Variants in ZCCHC14 observed in about 807,000 individuals in gnomAD.
The protein encoded by ZCCHC14 is zinc finger CCHC-type containing 14, also known as zinc finger CCHC domain-containing protein 14.
In ZCCHC14, 16 loss-of-function variants were observed where a neutral mutation model predicts 85.0. That is an observed-to-expected ratio of 0.19 (90% CI 0.13 to 0.29). ZCCHC14 has a LOEUF of 0.29. ZCCHC14 is among the 10% of genes least tolerant of loss of function. ZCCHC14 has a pLI of 1.00. For missense variants in ZCCHC14, 1,303 were observed against 1,443.5 expected (o/e 0.90, Z 1.58); for synonymous variants, 775 against 630.7 (o/e 1.23, Z -3.43).
chr16:87,476,981 C>A (rs376584644), intron 1 of ZCCHC14, among the ~76,000 whole-genome samples: 1 of 151,498 alleles, frequency 6.6e-6, no homozygotes, highest in African/African-American at 2.4e-5. Flanking sequence ...AAAAATTAGC[C>A]GGGCATGGTG....
intron 2 of ZCCHC14, among the ~76,000 whole-genome samples, chr16:87,445,101 TG>T (rs1337121551): frequency 3.3e-5 from 5 of 151,662 alleles, no homozygotes; most frequent in African/African-American, 1.2e-4. Flanking sequence ...AGAGTCTTGC[TG>T]TGTCACCAGG....
intron 12 of ZCCHC14, 153 bp downstream of exon 12, chr16:87,411,361 TCA>T (rs1241241813): frequency 5.3e-6 from 8 of 1,506,784 alleles, no homozygotes; most frequent in Middle Eastern, 1.8e-4. Flanking sequence ...TCTGGGGACC[TCA>T]CGGCCTATCA....
chr16:87,415,447 G>C, intron 8 of ZCCHC14, 80 bp from the exon 9 acceptor site: 1 of 1,251,328 alleles, frequency 8.0e-7, no homozygotes. Flanking sequence ...GTTGAATTCA[G>C]TACATTTATT....
In ZCCHC14 at chr16:87,407,952, T is replaced by G. The variant is rs554653582; in HGVS notation, c.*2328A>C. 1 of 152,810 alleles carries G rather than the reference T, an allele frequency of 6.5e-6. No individual in the cohort carries two copies. Among genetic ancestry groups the G allele is most frequent in the South Asian group, 2.1e-4 (1 of 4,826 alleles). The allele number at this position is 152,810 out of a possible 1,614,324, so 9.5% of individuals were successfully genotyped here. On this transcript the variant is annotated 3_prime_UTR_variant, in exon 13 of 13. Transcript: ENST00000671377. ...TGTAGCTCCTACTTACAGCTGACGA[T>G]TCTCGACTTCGGACGGCCTCCCTGG...
At chr16:87,471,764 A>G (rs2150768870) in intron 1 of ZCCHC14, 1 of 152,388 alleles carries the variant, frequency 6.6e-6, no homozygotes, top group Non-Finnish European at 1.5e-5. Context: ...TAGGGAGGCT[A>G]AAGACATACT....
Position 87,420,025 on chromosome 16 carries a change from A to G in ZCCHC14, c.951-148T>C. On this transcript the variant is annotated intron_variant, in intron 5 of 12. Transcript: ENST00000671377. The surrounding 1 kb of genome is among the most constrained non-coding windows in gnomAD (Gnocchi z 5.0). ...AGAGCCTCATATTCTTCCTGCTTTAATTCAACTGAGTTCTTGCCCGACTGC... is the reference window on the plus strand; with the variant it reads ...AGAGCCTCATATTCTTCCTGCTTTAGTTCAACTGAGTTCTTGCCCGACTGC... The G allele has an allele frequency of 1.6e-6, 1 of 613,822 alleles. No individual in the cohort carries two copies. Among genetic ancestry groups the G allele is most frequent in the African/African-American group, 1.9e-5 (1 of 53,144 alleles). 38.0% of individuals were successfully genotyped at this position (613,822 alleles called of 1,614,324 possible). A position where few individuals can be genotyped will look rare whatever the true frequency, so the allele number is the denominator to read the frequency against.
chr16:87,483,807 CT>C (rs1912395477), intron 1 of ZCCHC14, among the ~76,000 whole-genome samples: 1 of 152,240 alleles, frequency 6.6e-6, no homozygotes, highest in South Asian at 2.1e-4. Context: ...CCCAACTCCA[CT>C]TCCAGATTTC....
rs989560273 is a variant in ZCCHC14, at chr16:87,468,017, G to A, written c.571-7886C>T. 3.9e-5 allele frequency among the ~76,000 whole-genome samples: 6 copies of A among 152,224 alleles called. No homozygotes were observed. In the East Asian group the frequency reaches 5.8e-4, roughly 15 times the overall value. The stretch of plus-strand genomic sequence containing the variant: ...CTCCCAAAGTACTGGGATTACAAGC[G>A]TGAGCCACCGCGCCTGGCCCAACGG... On this transcript the variant is annotated intron_variant, in intron 1 of 12. Transcript: ENST00000671377.
At chr16:87,462,774 A>C (rs1232584309) in intron 1 of ZCCHC14, among the ~76,000 whole-genome samples, 1 of 150,000 alleles carries the variant, frequency 6.7e-6, no homozygotes, top group Admixed American at 6.6e-5. Context: ...AAGAAAAAAA[A>C]CAAACACGGC....
At chr16:87,481,099 G>A (rs1567544135) in intron 1 of ZCCHC14, among the ~76,000 whole-genome samples, 1 of 152,188 alleles carries the variant, frequency 6.6e-6, no homozygotes, top group Non-Finnish European at 1.5e-5. Context: ...TGACACCAGA[G>A]GGGGTTATGG....
chr16:87,435,893 C>T (rs12928158), intron 2 of ZCCHC14, among the ~76,000 whole-genome samples: 19,324 of 152,340 alleles, frequency 0.13, 1,420 homozygotes, highest in East Asian at 0.23. Context: ...GAACTACACG[C>T]TGTTCCTGCC....
intron 1 of ZCCHC14, among the ~76,000 whole-genome samples, chr16:87,482,181 T>G (rs539334977): frequency 5.9e-5 from 9 of 152,318 alleles, no homozygotes; most frequent in Middle Eastern, 3.4e-3. Context: ...GACAGAAACC[T>G]GCCTTTGCCA....
In ZCCHC14 at chr16:87,423,793, G is replaced by C; in HGVS notation, c.840+17C>G. Reference sequence around the variant, plus strand: ...TGTGATTCTTTTAATTTTTATAAGAGCCCTTGATTACCTTACCTTTGAAAT... The same window carrying C: ...TGTGATTCTTTTAATTTTTATAAGACCCCTTGATTACCTTACCTTTGAAAT... On this transcript the variant is annotated intron_variant, in intron 4 of 12. Coordinates refer to ENST00000671377, the MANE Select transcript of ZCCHC14 (RefSeq NM_015144.3). 1.9e-6 allele frequency: 3 copies of C among 1,612,118 alleles called. No homozygotes were observed. Among genetic ancestry groups the C allele is most frequent in the East Asian group, 2.2e-5 (1 of 44,854 alleles).
chr16:87,445,335 G>T (rs187607638), intron 2 of ZCCHC14, among the ~76,000 whole-genome samples: 1 of 152,256 alleles, frequency 6.6e-6, no homozygotes, highest in Non-Finnish European at 1.5e-5. Flanking sequence ...AAAGTGCTGC[G>T]ATTACAGGCG....
At chr16:87,424,382 T>G (rs932237157) in intron 3 of ZCCHC14, among the ~76,000 whole-genome samples, 4 of 151,992 alleles carry the variant, frequency 2.6e-5, no homozygotes, top group Admixed American at 1.3e-4. Context: ...ACAGTGTGAG[T>G]CCATTGATAG....
rs1011918146 is a variant in ZCCHC14, at chr16:87,492,650, G to C, written c.-412C>G. 4 of 144,518 alleles carry C rather than the reference G, an allele frequency of 2.8e-5. No individual in the cohort carries two copies. Among genetic ancestry groups the C allele is most frequent in the Non-Finnish European group, 6.1e-5 (4 of 65,364 alleles). 9.0% of individuals were successfully genotyped at this position (144,518 alleles called of 1,614,324 possible). A position where few individuals can be genotyped will look rare whatever the true frequency, so the allele number is the denominator to read the frequency against. ...GAGGCGGCCGCCCCCATCTCCCCCC[G>C]CGCCGCAGGGTCTGTCACTGCGGGC... On this transcript the variant is annotated 5_prime_UTR_variant, in exon 1 of 13. Transcript: ENST00000671377. The surrounding 1 kb of genome is among the most constrained non-coding windows in gnomAD (Gnocchi z 6.7).
intron 7 of ZCCHC14, 64 bp from the exon 8 acceptor site, chr16:87,417,806 C>A: frequency 6.7e-7 from 1 of 1,481,850 alleles, no homozygotes; most frequent in African/African-American, 1.4e-5. Context: ...GACTCCACCA[C>A]AGACCTCACT....
In ZCCHC14 at chr16:87,443,688, G is replaced by A. The variant is rs1597423671; in HGVS notation, c.695-10487C>T. ...GGAGTTCAAGGATGCAATGAGCAGG[G>A]ATCACACCACTGCACTCTAGCCTGG... On this transcript the variant is annotated intron_variant, in intron 2 of 12. Coordinates refer to ENST00000671377, the MANE Select transcript of ZCCHC14 (RefSeq NM_015144.3). 2.0e-5 allele frequency among the ~76,000 whole-genome samples: 3 copies of A among 152,090 alleles called. No individual in the cohort carries two copies. The East Asian group carries it at 5.8e-4, about 29-fold the overall frequency.
In ZCCHC14 at chr16:87,414,538, C is replaced by T. The variant is rs1908681544; in HGVS notation, c.1479G>A (p.Glu493=). 6.2e-7 allele frequency: 1 copy of T among 1,610,494 alleles called. No homozygotes were observed. ...KLKTQLELEK[E]KSERRCLNPS... is the part of the protein sequence containing the mutation. The stretch of plus-strand genomic sequence containing the variant: ...GGTTCAGGCACCGTCTCTCTGACTT[C>T]TCCCTGTGAAATAATCAAGCACAGG... The change falls in exon 10 of 13, where the codon GAG becomes GAA. Residue 493 remains glutamate (E), a synonymous_variant. Transcript: ENST00000671377.
Sources: gnomAD v4.1 joint callset for allele counts (sites outside exome capture counted in the v4.1 genomes callset) on GRCh38, gnomAD v4.1.1 for gene constraint, Gnocchi (gnomAD v3.1) non-coding constraint, MANE v1.5 for transcripts, NCBI Gene and HGNC (gene_info 2026-07-23, HGNC 2026-07-21) for gene names.